The following NPAS3 variants were observed in gnomAD, a reference collection of about 807,000 sequenced individuals.
NPAS3 encodes the protein neuronal PAS domain protein 3, also known as neuronal PAS domain-containing protein 3.
Under a neutral mutation model 73.1 loss-of-function variants are expected in NPAS3, and 14 were observed. The observed-to-expected ratio is 0.19, with a 90% confidence interval of 0.13 to 0.30. NPAS3 has a LOEUF of 0.30. Ranked by LOEUF, NPAS3 falls within the 10% of genes least tolerant of loss-of-function variation. NPAS3 has a pLI of 1.00. For missense variants in NPAS3, 1,096 were observed against 1,250.0 expected, an observed-to-expected ratio of 0.88 and a Z score of 1.86; for synonymous variants, 620 against 541.5, an observed-to-expected ratio of 1.14 and a Z score of -2.01.
At chr14:33,114,960 A>C (rs2043013459) in intron 2 of NPAS3, among the ~76,000 whole-genome samples, 1 of 152,194 alleles carries the variant, frequency 6.6e-6, no homozygotes, top group African/African-American at 2.4e-5. Flanking sequence ...TTAACTTCAG[A>C]CGATGGGAGA....
At chr14:33,132,403 G>A (rs1458222159) in intron 2 of NPAS3, among the ~76,000 whole-genome samples, 1 of 152,118 alleles carries the variant, frequency 6.6e-6, no homozygotes, top group Non-Finnish European at 1.5e-5. Context: ...CTGTGTACTT[G>A]TAGGAAGAGA....
intron 1 of NPAS3, among the ~76,000 whole-genome samples, chr14:33,034,232 AAT>A (rs1274652752): frequency 1.3e-5 from 2 of 152,034 alleles, no homozygotes; most frequent in Non-Finnish European, 2.9e-5. Flanking sequence ...GCTAAATTAC[AAT>A]ATGTTTCTAA....
At chr14:33,458,629 T>G (rs1156955671) in intron 4 of NPAS3, among the ~76,000 whole-genome samples, 1 of 152,228 alleles carries the variant, frequency 6.6e-6, no homozygotes, top group East Asian at 1.9e-4. Context: ...GAAATGAGAT[T>G]TCACTTTAAA....
In NPAS3 at chr14:33,204,269, G is replaced by A. The variant is rs376015426; in HGVS notation, c.141-10913G>A. Among the ~76,000 whole-genome samples the A allele has an allele frequency of 2.5e-4, 38 of 152,138 alleles. 2 individuals carry two copies. Among genetic ancestry groups the A allele is most frequent in the Middle Eastern group, 6.8e-3 (2 of 294 alleles). On this transcript the variant is annotated intron_variant, in intron 2 of 11. Transcript: ENST00000356141. Reference sequence around the variant, plus strand: ...CAAATTAAATCTTACATGGTAATCCGTGCCACATAAAAACATTTAGGCTCT... The same window carrying A: ...CAAATTAAATCTTACATGGTAATCCATGCCACATAAAAACATTTAGGCTCT...
At chr14:33,136,139 C>A (rs775974395) in intron 2 of NPAS3, among the ~76,000 whole-genome samples, 4 of 148,380 alleles carry the variant, frequency 2.7e-5, no homozygotes, top group Admixed American at 2.0e-4. Context: ...TGGCTCACTG[C>A]AACCTCCGCC....
chr14:33,760,569 C>T (rs750851103), intron 7 of NPAS3, among the ~76,000 whole-genome samples: 1 of 152,144 alleles, frequency 6.6e-6, no homozygotes, highest in Non-Finnish European at 1.5e-5. Flanking sequence ...GTTCATACAT[C>T]TGTCATTCAA....
At chr14:32,992,620 G>T (rs1367279355) in intron 1 of NPAS3, among the ~76,000 whole-genome samples, 3 of 152,084 alleles carry the variant, frequency 2.0e-5, no homozygotes, top group African/African-American at 4.8e-5. Flanking sequence ...AGTAATCAGG[G>T]AGTATAGTGA....
chr14:33,779,410 G>GGAGAT (rs1189546720), intron 9 of NPAS3, among the ~76,000 whole-genome samples: 1 of 152,228 alleles, frequency 6.6e-6, no homozygotes, highest in East Asian at 1.9e-4. Context: ...TGACCATTCA[G>GGAGAT]GAGATTCTTC....
chr14:33,300,551 G>T (rs1363189129), intron 3 of NPAS3, among the ~76,000 whole-genome samples: 1 of 152,198 alleles, frequency 6.6e-6, no homozygotes, highest in Non-Finnish European at 1.5e-5. Context: ...GGGTCTTTGT[G>T]CTTCAGATGA....
At chr14:33,564,853 G>A (rs1231116046) in intron 5 of NPAS3, among the ~76,000 whole-genome samples, 1 of 152,172 alleles carries the variant, frequency 6.6e-6, no homozygotes, top group Non-Finnish European at 1.5e-5. Context: ...AGCAAGCCAG[G>A]AAATTTACAC....
chr14:33,410,178 C>G (rs1055454518), intron 4 of NPAS3, among the ~76,000 whole-genome samples: 2 of 152,116 alleles, frequency 1.3e-5, no homozygotes, highest in African/African-American at 4.8e-5. Flanking sequence ...TTGAAAGAGT[C>G]TTTCTGTGGT....
At chr14:33,662,299 C>G in intron 5 of NPAS3, among the ~76,000 whole-genome samples, 1 of 152,208 alleles carries the variant, frequency 6.6e-6, no homozygotes, top group African/African-American at 2.4e-5. Flanking sequence ...ATCTTGAGCT[C>G]TTTCTGCCTG....
At chr14:33,277,573 A>G (rs1484287056) in intron 3 of NPAS3, among the ~76,000 whole-genome samples, 2 of 152,162 alleles carry the variant, frequency 1.3e-5, no homozygotes, top group Non-Finnish European at 2.9e-5. Flanking sequence ...GACATTTTTG[A>G]TGGGATGCCA....
intron 2 of NPAS3, among the ~76,000 whole-genome samples, chr14:33,092,270 G>C (rs549279099): frequency 3.4e-4 from 51 of 149,778 alleles, no homozygotes; most frequent in Non-Finnish European, 6.2e-4. Flanking sequence ...AACTTCAGCA[G>C]TCTCAGGATA....
intron 4 of NPAS3, among the ~76,000 whole-genome samples, chr14:33,494,836 G>A (rs2052088817): frequency 6.6e-6 from 1 of 151,960 alleles, no homozygotes; most frequent in South Asian, 2.1e-4. Context: ...TAGCTTCATG[G>A]TCAGAGTACC....
At chr14:33,676,622 T>C (rs1042408843) in intron 6 of NPAS3, among the ~76,000 whole-genome samples, 2 of 152,254 alleles carry the variant, frequency 1.3e-5, no homozygotes, top group Non-Finnish European at 2.9e-5. Flanking sequence ...AAGGTACTAG[T>C]TCTTTTAGTT....
upstream of NPAS3, among the ~76,000 whole-genome samples, chr14:32,937,092 T>C (rs2035720157): frequency 6.6e-6 from 1 of 152,078 alleles, no homozygotes; most frequent in South Asian, 2.1e-4. Context: ...TGTTACTGTC[T>C]TTTAGTCAAA....
chr14:33,688,660 C>A (rs894585207), intron 6 of NPAS3, among the ~76,000 whole-genome samples: 5 of 152,146 alleles, frequency 3.3e-5, no homozygotes, highest in Non-Finnish European at 2.9e-5. Context: ...ATGAATCTAG[C>A]AATTAACTGC....
At chr14:33,680,483 A>G in intron 6 of NPAS3, 1 of 656,050 alleles carries the variant, frequency 1.5e-6, no homozygotes, top group South Asian at 1.8e-5. Flanking sequence ...GTAGGTATGT[A>G]TGTGTTTGGT....
Sources: allele counts gnomAD v4.1 joint callset (sites outside exome capture counted in the v4.1 genomes callset), GRCh38; gene constraint gnomAD v4.1.1; transcripts MANE v1.5; gene names NCBI Gene and HGNC (gene_info 2026-07-23, HGNC 2026-07-21).